ZC3H18: variants seen among roughly 807,000 people sequenced by gnomAD.
ZC3H18 encodes zinc finger CCCH domain-containing protein 18.
ZC3H18 carries 8 observed loss-of-function variants against 106.1 expected under a neutral mutation model. That is an observed-to-expected ratio of 0.08 (90% CI 0.04 to 0.14). The LOEUF (loss-of-function observed/expected upper bound fraction) is 0.14. Ranked by LOEUF, ZC3H18 falls within the 10% of genes least tolerant of loss-of-function variation. The probability of loss-of-function intolerance (pLI) is 1.00; values close to 1 mark genes in which losing one functional copy is unlikely to be tolerated. For synonymous variants in ZC3H18, 635 were observed against 522.1 expected (o/e 1.22, Z -2.95); for missense variants, 1,318 against 1,278.4 (o/e 1.03, Z -0.47).
Position 88,600,059 on chromosome 16 carries a change from A to C in ZC3H18, c.1088+111A>C, listed in dbSNP as rs1489462807. ...GTGCGCTCGGCTGAGACCCAGCCCC[A>C]CTCACTGGAGTCTCAGTGACGTTCC... On this transcript the variant is annotated intron_variant, in intron 6 of 17. Coordinates refer to ENST00000301011, the MANE Select transcript of ZC3H18 (RefSeq NM_144604.4). 4.5e-6 allele frequency: 6 copies of C among 1,335,258 alleles called. No homozygotes were observed. In the Admixed American group the frequency reaches 1.4e-4, roughly 31 times the overall value. The allele number at this position is 1,335,258 out of a possible 1,614,324, so 82.7% of individuals were successfully genotyped here.
At chr16:88,590,205 G>A (rs1915662270) in intron 3 of ZC3H18, among the ~76,000 whole-genome samples, 1 of 152,164 alleles carries the variant, frequency 6.6e-6, no homozygotes. Flanking sequence ...TTCCACCTCA[G>A]CCTCCCAGAG....
intron 3 of ZC3H18, chr16:88,587,413 C>A: frequency 1.4e-6 from 1 of 707,934 alleles, no homozygotes; most frequent in South Asian, 1.8e-5. Context: ...ATTCAGCGTT[C>A]CCCTTGGAAA....
At chr16:88,613,071 T>G (rs1348361920) in intron 8 of ZC3H18, among the ~76,000 whole-genome samples, 3 of 152,238 alleles carry the variant, frequency 2.0e-5, no homozygotes, top group Non-Finnish European at 4.4e-5. Flanking sequence ...TCCCAGTCTC[T>G]TAGCAGCTTT....
At position 88,623,974 on chromosome 16, in the gene ZC3H18, TCGTCCC is replaced by T. The variant is rs762853557; in HGVS notation, c.1824_1829del (p.Ser609_Pro610del). ...CTCCCCTAGGTCCCGGTCCTTCTCT[TCGTCCC>T]CGTCCCCGTCCCCAACACCTTCCCC... On this transcript the variant is annotated inframe_deletion, in exon 11 of 18. Transcript: ENST00000301011. The T allele has an allele frequency of 5.3e-5, 86 of 1,612,544 alleles. No homozygotes were observed. The highest frequency in any genetic ancestry group is 3.3e-4 in the African/African-American group (25 of 74,982).
intron 3 of ZC3H18, chr16:88,587,727 G>T: frequency 9.5e-7 from 1 of 1,055,544 alleles, no homozygotes; most frequent in Non-Finnish European, 1.4e-6. Flanking sequence ...AGGAAAGGGG[G>T]TCTTTGAGGG....
intron 6 of ZC3H18, among the ~76,000 whole-genome samples, chr16:88,607,426 T>G (rs1905065157): frequency 6.6e-6 from 1 of 152,248 alleles, no homozygotes; most frequent in African/African-American, 2.4e-5. Flanking sequence ...CATTGGTGTT[T>G]TTGCTGGGAT....
chr16:88,596,395 A>G (rs1375833168), intron 3 of ZC3H18, among the ~76,000 whole-genome samples: 1 of 151,944 alleles, frequency 6.6e-6, no homozygotes, highest in Non-Finnish European at 1.5e-5. Flanking sequence ...TAATCCCAGC[A>G]CTTTGGGAGG....
chr16:88,576,376 G>T (rs994733615), intron 1 of ZC3H18, among the ~76,000 whole-genome samples: 1 of 152,184 alleles, frequency 6.6e-6, no homozygotes, highest in Non-Finnish European at 1.5e-5. Flanking sequence ...GTACTTAAGT[G>T]TGTCAAGTTT....
rs1416678613 is a variant in ZC3H18 at position 88,631,896 on chromosome 16, TG to T, written c.*601del. On this transcript the variant is annotated 3_prime_UTR_variant, in exon 18 of 18. Coordinates refer to ENST00000301011, the MANE Select transcript of ZC3H18 (RefSeq NM_144604.4). Reference sequence around the variant, plus strand: ...ACCAAAAAAAGGCCAAGGGTGTTGTTGGGGCGTCTGTCTAATGTGGTGGGTC... The same window carrying T: ...ACCAAAAAAAGGCCAAGGGTGTTGTTGGGCGTCTGTCTAATGTGGTGGGTC... 2 of 299,796 alleles carry T rather than the reference TG, an allele frequency of 6.7e-6. No homozygotes were observed. The highest frequency in any genetic ancestry group is 1.3e-5 in the Non-Finnish European group (2 of 154,228). The allele number at this position is 299,796 out of a possible 1,614,324, so 18.6% of individuals were successfully genotyped here. A position where few individuals can be genotyped will look rare whatever the true frequency, so the allele number is the denominator to read the frequency against.
At chr16:88,604,603 G>A (rs902423173) in intron 6 of ZC3H18, among the ~76,000 whole-genome samples, 5 of 150,918 alleles carry the variant, frequency 3.3e-5, no homozygotes, top group Non-Finnish European at 5.9e-5. Context: ...GGAGAATGGC[G>A]TGAACCCAGG....
chr16:88,593,823 C>G (rs140579116), intron 3 of ZC3H18, among the ~76,000 whole-genome samples: 135 of 152,332 alleles, frequency 8.9e-4, no homozygotes, highest in African/African-American at 3.2e-3. Context: ...GAAAATTGGA[C>G]TTTTGTGTGC....
At chr16:88,587,712 C>A in intron 3 of ZC3H18, 1 of 1,228,284 alleles carries the variant, frequency 8.1e-7, no homozygotes, top group Non-Finnish European at 1.1e-6. Context: ...AGCTGTGAAG[C>A]CAGAAGGAAA....
chr16:88,598,112 C>G, intron 3 of ZC3H18, 66 bp from the exon 4 acceptor site: 1 of 377,730 alleles, frequency 2.6e-6, no homozygotes, highest in Non-Finnish European at 5.0e-6. Context: ...ACCCCCCACC[C>G]CAGCAGCTGC....
At chr16:88,607,101 G>A (rs1373120600) in intron 6 of ZC3H18, among the ~76,000 whole-genome samples, 1 of 152,180 alleles carries the variant, frequency 6.6e-6, no homozygotes, top group Admixed American at 6.5e-5. Flanking sequence ...GCGCAGTGGG[G>A]AAGAGAGCCT....
intron 6 of ZC3H18, among the ~76,000 whole-genome samples, chr16:88,608,340 TC>T (rs1468747590): frequency 6.6e-6 from 1 of 151,964 alleles, no homozygotes; most frequent in Non-Finnish European, 1.5e-5. Context: ...AAGTATCACT[TC>T]CTATTTTCTT....
rs17855686 is a variant in ZC3H18, at chr16:88,611,380, G to A, written c.1319G>A (p.Arg440His). The A allele has an allele frequency of 1.0e-5, 11 of 1,081,756 alleles. No individual in the cohort carries two copies. Among genetic ancestry groups the A allele is most frequent in the East Asian group, 7.7e-5 (3 of 38,840 alleles). 67.0% of individuals were successfully genotyped at this position (1,081,756 alleles called of 1,614,324 possible). Residue 440 changes from arginine to histidine, a missense_variant, in exon 8 of 18, where the codon CGC (arginine) becomes CAC (histidine). Arg to His is a conservative substitution (Grantham distance 29). Coordinates refer to ENST00000301011, the MANE Select transcript of ZC3H18 (RefSeq NM_144604.4). ...RQRERERERE[R>H]ERDKERQRRK... is the part of the protein sequence containing the mutation. ...AGGGAGCGCGAGCGAGAGCGGGAGC[G>A]CGAGCGCGACAAGGAGCGGCAGCGG...
At chr16:88,604,360 A>T (rs1285604517) in intron 6 of ZC3H18, among the ~76,000 whole-genome samples, 1 of 151,780 alleles carries the variant, frequency 6.6e-6, no homozygotes, top group Non-Finnish European at 1.5e-5. Context: ...CCAAAAAAAA[A>T]AAAAAAAGTT....
chr16:88,630,582 G>T lies in ZC3H18; in HGVS notation c.2663+1G>T. On this transcript the variant is annotated splice_donor_variant, in intron 17 of 17. Coordinates refer to ENST00000301011, the MANE Select transcript of ZC3H18 (RefSeq NM_144604.4). LOFTEE classifies it high-confidence loss of function. ...AAGCCCCTGCAGCCCCGGCTGACAGGTGAGTCCCACCCAGCATGTGCCCTG... is the reference window on the plus strand; with the variant it reads ...AAGCCCCTGCAGCCCCGGCTGACAGTTGAGTCCCACCCAGCATGTGCCCTG... 1 of 1,600,906 alleles carries T rather than the reference G, an allele frequency of 6.2e-7. No homozygotes were observed.
rs1904658955 is a variant in ZC3H18, at chr16:88,599,956, A to G, written c.1088+8A>G. The G allele has an allele frequency of 1.2e-6, 2 of 1,613,358 alleles. No homozygotes were observed. The highest frequency in any genetic ancestry group is 1.7e-5 in the Admixed American group (1 of 59,906). ...AGATGTCAGAGACACAGTGTAAGGA[A>G]TGGCCCTGCCTGCCCCTCCGTTTCC... On this transcript the variant is annotated splice_region_variant and intron_variant, in intron 6 of 17. Coordinates refer to ENST00000301011, the MANE Select transcript of ZC3H18 (RefSeq NM_144604.4).
Sources: allele counts gnomAD v4.1 joint callset (sites outside exome capture counted in the v4.1 genomes callset), GRCh38; gene constraint gnomAD v4.1.1; transcripts MANE v1.5; gene names NCBI Gene and HGNC (gene_info 2026-07-23, HGNC 2026-07-21).